Variants in C8B observed in about 807,000 individuals in gnomAD.
C8B encodes complement C8 beta chain.
A neutral mutation model predicts 64.6 loss-of-function variants in C8B; 67 were observed. That is an observed-to-expected ratio of 1.04 (90% CI 0.85 to 1.27). C8B has a LOEUF of 1.27. Ranked by LOEUF, C8B falls within the 50% of genes most tolerant of loss-of-function variation. The pLI is 0.00. For synonymous variants in C8B, 284 were observed against 257.7 expected (o/e 1.10, Z -0.98); for missense variants, 790 against 725.2 (o/e 1.09, Z -1.03).
rs1209005790 is a variant in C8B, at chr1:56,952,038, T to G, written c.666+10A>C. 1 of 1,613,810 alleles carries G rather than the reference T, an allele frequency of 6.2e-7. No homozygotes were observed. Among genetic ancestry groups the G allele is most frequent in the African/African-American group, 1.3e-5 (1 of 75,058 alleles). On this transcript the variant is annotated intron_variant, in intron 5 of 11. Coordinates refer to ENST00000371237, the MANE Select transcript of C8B (RefSeq NM_000066.4). ...GGGGCTCCCTCCACTGCTACCTGGC[T>G]GTCTCTTACCTGTGGCGTGTAGCTT...
rs12096901 is a variant in C8B, at chr1:56,950,472, A to G, written c.667-720T>C. Reference sequence around the variant, plus strand: ...TGTTCATGGCACTGTGTGTAGGGGAACTGCCAAGGGTACTGCCCTGGGGGC... The same window carrying G: ...TGTTCATGGCACTGTGTGTAGGGGAGCTGCCAAGGGTACTGCCCTGGGGGC... On this transcript the variant is annotated intron_variant, in intron 5 of 11. Coordinates refer to ENST00000371237, the MANE Select transcript of C8B (RefSeq NM_000066.4). Among the ~76,000 whole-genome samples, 1,462 of 152,266 alleles carry G rather than the reference A, an allele frequency of 9.6e-3. 23 individuals are homozygous for G. Among genetic ancestry groups the G allele is most frequent in the African/African-American group, 0.034 (1,396 of 41,534 alleles).
rs748280435 is a variant in C8B, at chr1:56,945,953, G to T, written c.973C>A (p.Pro325Thr). 1.9e-6 allele frequency: 3 copies of T among 1,614,012 alleles called. No homozygotes were observed. The highest frequency in any genetic ancestry group is 8.5e-7 in the Non-Finnish European group (1 of 1,180,016). ...TATTCCCCGTAGCTGTACTCCAGGG[G>T]CAGCCGCTTAACTCTCTGAAGGAAC... ...YEFLQRVKRLPLEYSYGEYRD... is the reference protein window; with the variant it reads ...YEFLQRVKRLTLEYSYGEYRD... Residue 325 changes from proline (P) to threonine (T), a missense_variant, in exon 7 of 12, where the codon CCC becomes ACC. Physicochemically the swap from Pro to Thr is conservative, Grantham distance 38. Coordinates refer to ENST00000371237, the MANE Select transcript of C8B (RefSeq NM_000066.4).
At chr1:56,947,696 C>T (rs1388837191) in intron 6 of C8B, among the ~76,000 whole-genome samples, 1 of 152,080 alleles carries the variant, frequency 6.6e-6, no homozygotes, top group Non-Finnish European at 1.5e-5. Flanking sequence ...CTTTGGGAGG[C>T]CAAGGCAGGC....
rs185912896 is a variant in C8B, at chr1:56,936,319, T to C, written c.1399-2831A>G. Among the ~76,000 whole-genome samples the C allele has an allele frequency of 3.2e-4, 48 of 152,344 alleles. No individual in the cohort carries two copies. In the East Asian group the frequency reaches 8.9e-3, roughly 28 times the overall value. On this transcript the variant is annotated intron_variant, in intron 9 of 11. Coordinates refer to ENST00000371237, the MANE Select transcript of C8B (RefSeq NM_000066.4). ...TCATCACAGTCAATGTCATTGAGTA[T>C]TGTAGACTTTCAATCACTGTCCCTT...
At chr1:56,961,702 C>T (rs745809742) in intron 1 of C8B, among the ~76,000 whole-genome samples, 3 of 152,060 alleles carry the variant, frequency 2.0e-5, no homozygotes, top group South Asian at 2.1e-4. Context: ...ATGTCACTCC[C>T]GACAAGGTCA....
intron 11 of C8B, 178 bp downstream of exon 11, chr1:56,931,632 A>T (rs1644702396): frequency 1.7e-6 from 1 of 604,578 alleles, no homozygotes; most frequent in African/African-American, 1.8e-5. Flanking sequence ...TGAAATGCAT[A>T]ACAATCAATC....
At position 56,956,834 on chromosome 1, in the gene C8B, T is replaced by G. The variant is rs751686321; in HGVS notation, c.326A>C (p.Asp109Ala). 4 of 1,614,120 alleles carry G rather than the reference T, an allele frequency of 2.5e-6. No homozygotes were observed. Among genetic ancestry groups the G allele is most frequent in the Non-Finnish European group, 3.4e-6 (4 of 1,179,990 alleles). ...PCNFSDKEVEDCVTNRPCGSQ... is the reference protein window; with the variant it reads ...PCNFSDKEVEACVTNRPCGSQ... ...TCCGCATGGTCTGTTGGTAACACAGTCTTCGACTTCCTTGTCAGAGAAGTT... is the reference window on the plus strand; with the variant it reads ...TCCGCATGGTCTGTTGGTAACACAGGCTTCGACTTCCTTGTCAGAGAAGTT... Residue 109 changes from aspartate (D) to alanine (A), a missense_variant, in exon 3 of 12, where the codon GAC becomes GCC. Asp to Ala is a moderately radical substitution (Grantham distance 126). Coordinates refer to ENST00000371237, the MANE Select transcript of C8B (RefSeq NM_000066.4).
intron 4 of C8B, among the ~76,000 whole-genome samples, chr1:56,952,809 T>C (rs1645042055): frequency 6.6e-6 from 1 of 152,154 alleles, no homozygotes; most frequent in Non-Finnish European, 1.5e-5. Context: ...ATAGGGACCA[T>C]GAAAATACTA....
At chr1:56,949,167 T>C (rs897116444) in intron 6 of C8B, among the ~76,000 whole-genome samples, 1 of 152,158 alleles carries the variant, frequency 6.6e-6, no homozygotes, top group Non-Finnish European at 1.5e-5. Context: ...GAAATTTAAT[T>C]GCCATTGTAA....
chr1:56,929,561 A>G lies in C8B; in HGVS notation c.1622-3T>C, dbSNP rs749563397. The G allele has an allele frequency of 7.4e-6, 12 of 1,613,486 alleles. No individual in the cohort carries two copies. In the African/African-American group the frequency reaches 1.3e-4, roughly 18 times the overall value. ...CCACTTCCCATCAATGGGGGTATCT[A>G]TAAGAAAGAAGGTCAATAAGCATCA... On this transcript the variant is annotated splice_polypyrimidine_tract_variant and splice_region_variant and intron_variant, in intron 11 of 11. Coordinates refer to ENST00000371237, the MANE Select transcript of C8B (RefSeq NM_000066.4).
intron 1 of C8B, 104 bp downstream of exon 1, chr1:56,965,753 G>T (rs542447186): frequency 1.6e-6 from 2 of 1,260,442 alleles, no homozygotes; most frequent in Non-Finnish European, 1.2e-6. Context: ...CTTAAGAGAC[G>T]TTCCTCATTC....
chr1:56,954,659 C>T, intron 4 of C8B, 27 bp downstream of exon 4: 1 of 1,613,834 alleles, frequency 6.2e-7, no homozygotes, highest in Non-Finnish European at 8.5e-7. Context: ...GCCTTCCCAT[C>T]TACGCCACAG....
chr1:56,929,797 T>C (rs1030430279), intron 11 of C8B, among the ~76,000 whole-genome samples: 2 of 152,154 alleles, frequency 1.3e-5, no homozygotes, highest in African/African-American at 2.4e-5. Flanking sequence ...TCAATCCAAT[T>C]CACCCCTCGG....
chr1:56,960,082 T>C lies in C8B; in HGVS notation c.187A>G (p.Ile63Val), dbSNP rs370368238. 4.3e-6 allele frequency: 7 copies of C among 1,614,000 alleles called. No homozygotes were observed. The highest frequency in any genetic ancestry group is 1.7e-5 in the Admixed American group (1 of 60,000). Residue 63 changes from isoleucine (I) to valine (V), a missense_variant, in exon 2 of 12, where the codon ATT becomes GTT. Ile to Val is a conservative substitution (Grantham distance 29). Transcript: ENST00000371237. The stretch of plus-strand genomic sequence containing the variant: ...GACCAACTAGACAGCTCACAATCAA[T>C]GGGCATCAGGGTAACATCCACACTC... ...MRSVDVTLMPIDCELSSWSSW... is the reference protein window; with the variant it reads ...MRSVDVTLMPVDCELSSWSSW...
At chr1:56,939,722 GT>G (rs1644823573) in intron 9 of C8B, among the ~76,000 whole-genome samples, 1 of 152,166 alleles carries the variant, frequency 6.6e-6, no homozygotes, top group African/African-American at 2.4e-5. Flanking sequence ...GGATCATTAT[GT>G]TTTATTCATC....
intron 9 of C8B, among the ~76,000 whole-genome samples, chr1:56,934,600 G>A (rs1157735953): frequency 6.6e-6 from 1 of 152,150 alleles, no homozygotes; most frequent in Non-Finnish European, 1.5e-5. Context: ...CTAAATGCAG[G>A]CAATCATGAC....
intron 1 of C8B, among the ~76,000 whole-genome samples, chr1:56,965,534 C>T (rs956160059): frequency 2.6e-5 from 4 of 151,768 alleles, no homozygotes; most frequent in African/African-American, 9.7e-5. Flanking sequence ...CTCTTTTGTC[C>T]TCTGTATGTA....
At chr1:56,930,578 A>T (rs1284759281) in intron 11 of C8B, among the ~76,000 whole-genome samples, 1 of 152,100 alleles carries the variant, frequency 6.6e-6, no homozygotes, top group East Asian at 1.9e-4. Flanking sequence ...TTTTACTGGG[A>T]ACATAAGAGT....
rs773352047 is a variant in C8B, at chr1:56,960,109, G to A, written c.160C>T (p.Arg54Trp). 12 of 1,613,988 alleles carry A rather than the reference G, an allele frequency of 7.4e-6. No individual in the cohort carries two copies. Among genetic ancestry groups the A allele is most frequent in the Middle Eastern group, 1.6e-4 (1 of 6,084 alleles). Residue 54 changes from arginine to tryptophan, a missense_variant, in exon 2 of 12, where the codon CGG (arginine) becomes TGG (tryptophan). Physicochemically the swap from Arg to Trp is moderately radical, Grantham distance 101. Coordinates refer to ENST00000371237, the MANE Select transcript of C8B (RefSeq NM_000066.4). ...GGCATCAGGGTAACATCCACACTCCGCATCTGTCTGCTCTTAGCAAAGCTC... is the reference window on the plus strand; with the variant it reads ...GGCATCAGGGTAACATCCACACTCCACATCTGTCTGCTCTTAGCAAAGCTC... ...NKSFAKSRQM[R>W]SVDVTLMPID...
Sources: gnomAD v4.1 joint callset for allele counts (sites outside exome capture counted in the v4.1 genomes callset) on GRCh38, gnomAD v4.1.1 for gene constraint, MANE v1.5 for transcripts, NCBI Gene and HGNC (gene_info 2026-07-23, HGNC 2026-07-21) for gene names.